Variants in IQGAP2 observed in about 807,000 individuals in gnomAD.
IQGAP2 encodes the protein IQ motif containing GTPase activating protein 2.
In IQGAP2, 173 loss-of-function variants were observed where a neutral mutation model predicts 201.3. The ratio of observed to expected loss-of-function variants is 0.86; its 90% confidence interval spans 0.76 to 0.98. The LOEUF is 0.98. Ranked by LOEUF, IQGAP2 falls within the 50% of genes least tolerant of loss-of-function variation. The pLI is 0.00. For synonymous variants in IQGAP2, 675 were observed against 673.9 expected, an observed-to-expected ratio of 1.00 and a Z score of -0.03; for missense variants, 1,687 against 1,864.8, an observed-to-expected ratio of 0.90 and a Z score of 1.76.
chr5:76,487,435 G>A (rs1756231842), intron 2 of IQGAP2, among the ~76,000 whole-genome samples: 1 of 152,178 alleles, frequency 6.6e-6, no homozygotes, highest in African/African-American at 2.4e-5. Flanking sequence ...GGATGTGGAT[G>A]CGGATCTTAC....
At chr5:76,508,714 A>T (rs1172677924) in intron 2 of IQGAP2, among the ~76,000 whole-genome samples, 54 of 146,704 alleles carry the variant, frequency 3.7e-4, no homozygotes, top group Admixed American at 3.5e-3. Context: ...TTTTTTTTTT[A>T]AAGATCACGT....
chr5:76,692,082 T>A (rs1746309578), intron 30 of IQGAP2, among the ~76,000 whole-genome samples: 1 of 152,226 alleles, frequency 6.6e-6, no homozygotes, highest in African/African-American at 2.4e-5. Context: ...ATTAGACCAG[T>A]GTATGTATAA....
intron 28 of IQGAP2, 75 bp from the exon 29 acceptor site, chr5:76,683,040 G>T (rs1745438204): frequency 1.2e-6 from 1 of 867,638 alleles, no homozygotes; most frequent in East Asian, 2.7e-5. Context: ...AGGAAATTAT[G>T]AAAAATTTCA....
At chr5:76,555,813 GGA>G (rs965365368) in intron 2 of IQGAP2, among the ~76,000 whole-genome samples, 1 of 152,144 alleles carries the variant, frequency 6.6e-6, no homozygotes, top group African/African-American at 2.4e-5. Context: ...CAGATGGGGA[GGA>G]GAGAGAGGAG....
At chr5:76,653,887 T>G (rs1397131888) in intron 18 of IQGAP2, among the ~76,000 whole-genome samples, 5 of 152,338 alleles carry the variant, frequency 3.3e-5, no homozygotes, top group Non-Finnish European at 5.9e-5. Flanking sequence ...GCAAAACGCT[T>G]CACCCTTCTG....
intron 20 of IQGAP2, among the ~76,000 whole-genome samples, chr5:76,657,853 A>G (rs3797435): frequency 0.48 from 72,289 of 152,076 alleles, 17,674 homozygotes; most frequent in Non-Finnish European, 0.54. Flanking sequence ...GCCGGTGCTC[A>G]AAGGACAAGG....
intron 5 of IQGAP2, among the ~76,000 whole-genome samples, chr5:76,587,236 A>C (rs1310851224): frequency 6.6e-6 from 1 of 152,258 alleles, no homozygotes; most frequent in Admixed American, 6.5e-5. Flanking sequence ...ATAAATGAGC[A>C]TAATCTCTTT....
intron 1 of IQGAP2, among the ~76,000 whole-genome samples, chr5:76,431,416 TC>T: frequency 6.6e-6 from 1 of 152,330 alleles, no homozygotes; most frequent in East Asian, 1.9e-4. Context: ...AACTTTACTT[TC>T]CTAGTATTTT....
At chr5:76,667,954 C>A (rs1017873003) in intron 22 of IQGAP2, among the ~76,000 whole-genome samples, 2 of 148,894 alleles carry the variant, frequency 1.3e-5, no homozygotes, top group Non-Finnish European at 3.0e-5. Flanking sequence ...TCACAGCTCA[C>A]GGCAGCCTTG....
At chr5:76,444,738 C>T (rs1009679269) in intron 1 of IQGAP2, among the ~76,000 whole-genome samples, 8 of 152,094 alleles carry the variant, frequency 5.3e-5, no homozygotes, top group African/African-American at 1.4e-4. Flanking sequence ...TCTTGGCAGT[C>T]GAAGAAGTAA....
intron 2 of IQGAP2, chr5:76,510,764 C>T (rs1757913975): frequency 4.2e-6 from 2 of 474,956 alleles, no homozygotes; most frequent in Middle Eastern, 5.1e-4. Context: ...ACCAGACTTG[C>T]AGTAACCACC....
intron 2 of IQGAP2, among the ~76,000 whole-genome samples, chr5:76,523,267 T>A (rs915351848): frequency 2.6e-4 from 40 of 151,026 alleles, no homozygotes; most frequent in Middle Eastern, 3.4e-3. Context: ...AAAAAAAAAA[T>A]TTTGTAAGGG....
chr5:76,499,973 T>C (rs1757187448), intron 2 of IQGAP2, among the ~76,000 whole-genome samples: 1 of 151,392 alleles, frequency 6.6e-6, no homozygotes, highest in Non-Finnish European at 1.5e-5. Flanking sequence ...CTGGGTGTGG[T>C]GGCATGCACT....
At chr5:76,521,672 T>G (rs563534143) in intron 2 of IQGAP2, among the ~76,000 whole-genome samples, 507 of 152,346 alleles carry the variant, frequency 3.3e-3, no homozygotes, top group African/African-American at 0.011. Flanking sequence ...CTGTGTCCCG[T>G]GACTTTCAGT....
chr5:76,427,561 T>A (rs1752080012), intron 1 of IQGAP2, among the ~76,000 whole-genome samples: 1 of 152,128 alleles, frequency 6.6e-6, no homozygotes, highest in South Asian at 2.1e-4. Context: ...GCATCCTAGG[T>A]TTTATCCTGA....
At chr5:76,598,153 C>T (rs1339773696) in intron 10 of IQGAP2, among the ~76,000 whole-genome samples, 3 of 152,078 alleles carry the variant, frequency 2.0e-5, no homozygotes, top group African/African-American at 7.2e-5. Context: ...GAAAGCAGAA[C>T]CAAGAATTCA....
intron 5 of IQGAP2, 40 bp from the exon 6 acceptor site, chr5:76,588,866 A>G (rs768243004): frequency 8.2e-7 from 1 of 1,223,362 alleles, no homozygotes; most frequent in South Asian, 1.3e-5. Context: ...AAGACTTATG[A>G]TGATAAAATT....
chr5:76,703,792 A>G (rs188688895), intron 35 of IQGAP2, among the ~76,000 whole-genome samples: 76 of 152,294 alleles, frequency 5.0e-4, no homozygotes, highest in African/African-American at 1.8e-3. Flanking sequence ...ATAACATCTT[A>G]CCTGGGCCCC....
chr5:76,493,384 C>T (rs994128184), intron 2 of IQGAP2, among the ~76,000 whole-genome samples: 1 of 152,032 alleles, frequency 6.6e-6, no homozygotes, highest in African/African-American at 2.4e-5. Context: ...AAGGCCCCTC[C>T]TTCCCTGTGT....
Sources: gnomAD v4.1 joint callset for allele counts (sites outside exome capture counted in the v4.1 genomes callset) on GRCh38, gnomAD v4.1.1 for gene constraint, MANE v1.5 for transcripts, NCBI Gene and HGNC (gene_info 2026-07-23, HGNC 2026-07-21) for gene names.